SEC24B: variants seen among roughly 807,000 people sequenced by gnomAD.
The protein encoded by SEC24B is protein transport protein Sec24B.
In SEC24B, 45 loss-of-function variants were observed where a neutral mutation model predicts 142.8. The observed-to-expected ratio is 0.32, with a 90% CI of 0.25 to 0.40. The LOEUF is 0.40. Among genes scored for constraint, SEC24B ranks in the 10% least tolerant of loss-of-function variants. The pLI is 1.00. For missense variants in SEC24B, 1,409 were observed against 1,526.8 expected (o/e 0.92, Z 1.29); for synonymous variants, 574 against 568.2 (o/e 1.01, Z -0.15).
At chr4:109,499,834 A>G (rs1014689263) in intron 6 of SEC24B, among the ~76,000 whole-genome samples, 2 of 151,268 alleles carry the variant, frequency 1.3e-5, no homozygotes, top group African/African-American at 4.9e-5. Flanking sequence ...TAAACTTTTT[A>G]TCTTTATTTT....
intron 1 of SEC24B, among the ~76,000 whole-genome samples, chr4:109,439,856 T>G (rs1441871540): frequency 6.6e-6 from 1 of 151,198 alleles, no homozygotes; most frequent in South Asian, 2.1e-4. Context: ...CATGGTGGCT[T>G]ACGCCTGTAA....
chr4:109,476,046 G>A (rs1733100746), intron 3 of SEC24B, among the ~76,000 whole-genome samples: 1 of 150,524 alleles, frequency 6.6e-6, no homozygotes, highest in Non-Finnish European at 1.5e-5. Flanking sequence ...GAGTGCAGTG[G>A]CATGATCTTG....
At chr4:109,468,861 ATTAC>A (rs1732227604) in intron 2 of SEC24B, among the ~76,000 whole-genome samples, 1 of 152,206 alleles carries the variant, frequency 6.6e-6, no homozygotes, top group Non-Finnish European at 1.5e-5. Flanking sequence ...TTTTTGCACA[ATTAC>A]TTAAGATAGG....
chr4:109,490,086 T>TA (rs1483507220), intron 4 of SEC24B, among the ~76,000 whole-genome samples: 21 of 152,060 alleles, frequency 1.4e-4, no homozygotes, highest in Admixed American at 4.6e-4. Context: ...TATAAGAACA[T>TA]AAAAAACCAC....
chr4:109,456,048 C>G (rs1183433712), intron 1 of SEC24B, among the ~76,000 whole-genome samples: 1 of 152,120 alleles, frequency 6.6e-6, no homozygotes, highest in Non-Finnish European at 1.5e-5. Context: ...ATCCTTGCTT[C>G]TTTTCATCAG....
intron 1 of SEC24B, 117 bp downstream of exon 1, chr4:109,434,119 G>A (rs1170089104): frequency 2.9e-6 from 2 of 681,484 alleles, no homozygotes; most frequent in South Asian, 6.5e-5. Context: ...GGCCCGGCCC[G>A]AGGGACGGGA....
chr4:109,491,312 T>A lies in SEC24B; in HGVS notation c.1166-15T>A. The A allele has an allele frequency of 1.3e-6, 2 of 1,597,188 alleles. No individual in the cohort carries two copies. Among genetic ancestry groups the A allele is most frequent in the Non-Finnish European group, 1.7e-6 (2 of 1,166,826 alleles). On this transcript the variant is annotated splice_polypyrimidine_tract_variant and intron_variant, in intron 4 of 23. Coordinates refer to ENST00000265175, the MANE Select transcript of SEC24B (RefSeq NM_006323.5). ...GTCATTTTAAACCTAGTAGATATTT[T>A]GGTTTTCCTTTTAGGTGTTGACAGC...
At chr4:109,477,713 G>T (rs1203570546) in intron 3 of SEC24B, among the ~76,000 whole-genome samples, 1 of 151,876 alleles carries the variant, frequency 6.6e-6, no homozygotes, top group Non-Finnish European at 1.5e-5. Context: ...TGACCTAATT[G>T]GCAAAAGCAG....
Position 109,539,050 on chromosome 4 carries a change from G to A in SEC24B, c.3692+454G>A, listed in dbSNP as rs574805171. ...GATCTCAGCCCACTGCAACCTCTGCGTCCTGGATTCAAGCGATTCGCCTGC... is the reference window on the plus strand; with the variant it reads ...GATCTCAGCCCACTGCAACCTCTGCATCCTGGATTCAAGCGATTCGCCTGC... On this transcript the variant is annotated intron_variant, in intron 23 of 23. Coordinates refer to ENST00000265175, the MANE Select transcript of SEC24B (RefSeq NM_006323.5). Among the ~76,000 whole-genome samples the A allele has an allele frequency of 5.3e-5, 8 of 151,764 alleles. No homozygotes were observed. In the East Asian group the frequency reaches 9.7e-4, roughly 18 times the overall value.
At chr4:109,467,218 C>T (rs1031241608) in intron 2 of SEC24B, among the ~76,000 whole-genome samples, 10 of 147,832 alleles carry the variant, frequency 6.8e-5, no homozygotes, top group South Asian at 2.2e-4. Context: ...CCCAGCTACT[C>T]GGGAGGCTGA....
In SEC24B at chr4:109,539,491, G is replaced by A. The variant is rs72898791; in HGVS notation, c.3693-70G>A. On this transcript the variant is annotated intron_variant, in intron 23 of 23. Coordinates refer to ENST00000265175, the MANE Select transcript of SEC24B (RefSeq NM_006323.5). ...ACAGGATACAAGTGTAATTTTATGA[G>A]CTAGATTGCAAAGTGGTGAAATCAG... 0.03 allele frequency: 25,441 copies of A among 846,502 alleles called. 4,005 individuals are homozygous for A. In the African/African-American group the frequency reaches 0.36, roughly 12 times the overall value. The allele number at this position is 846,502 out of a possible 1,614,324, so 52.4% of individuals were successfully genotyped here.
intron 1 of SEC24B, among the ~76,000 whole-genome samples, chr4:109,435,954 A>G (rs1405329040): frequency 6.6e-6 from 1 of 152,198 alleles, no homozygotes; most frequent in Non-Finnish European, 1.5e-5. Flanking sequence ...ATGAAAGTGC[A>G]GGGCATGCTT....
chr4:109,463,801 T>G (rs1171520266), intron 2 of SEC24B, among the ~76,000 whole-genome samples, 157 bp downstream of exon 2: 1 of 152,210 alleles, frequency 6.6e-6, no homozygotes. Flanking sequence ...TTTGAACCCT[T>G]TCTTCTCATC....
Position 109,463,265 on chromosome 4 carries a change from T to C in SEC24B, c.498T>C (p.Ser166=). The change falls in exon 2 of 24, where the codon TCT becomes TCC. Residue 166 remains serine, a synonymous_variant. Coordinates refer to ENST00000265175, the MANE Select transcript of SEC24B (RefSeq NM_006323.5). The stretch of plus-strand genomic sequence containing the variant: ...ACTACAATAGTCCAGCCATGTACTC[T>C]GCCAGCTCTTCTGTTGCGTCTCAGG... ...VNHYNSPAMY[S]ASSSVASQGF... is the part of the protein sequence containing the mutation. The C allele has an allele frequency of 6.2e-7, 1 of 1,614,216 alleles. No homozygotes were observed. Among genetic ancestry groups the C allele is most frequent in the Non-Finnish European group, 8.5e-7 (1 of 1,180,028 alleles).
intron 1 of SEC24B, among the ~76,000 whole-genome samples, chr4:109,443,291 A>G (rs1439923442): frequency 6.6e-6 from 1 of 152,186 alleles, no homozygotes; most frequent in Non-Finnish European, 1.5e-5. Context: ...TTGGGTACAG[A>G]ATTCTGTTCC....
At chr4:109,498,380 C>T (rs1219651732) in intron 6 of SEC24B, among the ~76,000 whole-genome samples, 3 of 152,032 alleles carry the variant, frequency 2.0e-5, no homozygotes, top group East Asian at 3.9e-4. Context: ...TATTTTGAGA[C>T]GGAGTCTTGC....
chr4:109,489,715 G>C (rs190388678), intron 4 of SEC24B, among the ~76,000 whole-genome samples: 6 of 147,780 alleles, frequency 4.1e-5, no homozygotes, highest in African/African-American at 1.2e-4. Flanking sequence ...TTTTTTGTTT[G>C]ATTTATTTCA....
chr4:109,472,344 G>A (rs769849135), intron 2 of SEC24B, among the ~76,000 whole-genome samples: 5 of 152,172 alleles, frequency 3.3e-5, no homozygotes, highest in Non-Finnish European at 7.3e-5. Flanking sequence ...AACCGGGAAC[G>A]ATTTTGCCTT....
At chr4:109,534,535 C>T (rs532814719) in intron 22 of SEC24B, among the ~76,000 whole-genome samples, 2 of 151,474 alleles carry the variant, frequency 1.3e-5, no homozygotes, top group East Asian at 1.9e-4. Context: ...TGCAGTGAGC[C>T]GAGATCGTGC....
Sources: allele counts gnomAD v4.1 joint callset (sites outside exome capture counted in the v4.1 genomes callset), GRCh38; gene constraint gnomAD v4.1.1; transcripts MANE v1.5; gene names NCBI Gene and HGNC (gene_info 2026-07-23, HGNC 2026-07-21).